PCDHGB7: variants seen among roughly 807,000 people sequenced by gnomAD.
PCDHGB7 encodes protocadherin gamma subfamily B, 7.
Under a neutral mutation model 61.4 loss-of-function variants are expected in PCDHGB7, and 37 were observed. The ratio of observed to expected loss-of-function variants is 0.60; its 90% CI spans 0.46 to 0.79. The LOEUF (loss-of-function observed/expected upper bound fraction) is 0.79, where lower values mean the gene tolerates loss of function less well. Among genes scored for constraint, PCDHGB7 ranks in the 30% least tolerant of loss-of-function variants. The pLI is 0.00. For synonymous variants in PCDHGB7, 464 were observed against 503.5 expected (o/e 0.92, Z 1.05); for missense variants, 1,166 against 1,202.5 (o/e 0.97, Z 0.45).
Position 141,491,608 on chromosome 5 carries a change from C to T in PCDHGB7, c.2416-3199C>T. On this transcript the variant is annotated intron_variant, in intron 1 of 3. Transcript: ENST00000398594. This position sits in a 1 kb window ranked among gnomAD's most constrained non-coding sequence, Gnocchi z 6.9. Reference sequence around the variant, plus strand: ...CTCGGACGGCAGTGACTTCACTTTTCTAAGACCCCTCAGCGTTCAGCAGCC... The same window carrying T: ...CTCGGACGGCAGTGACTTCACTTTTTTAAGACCCCTCAGCGTTCAGCAGCC... 6.2e-7 allele frequency: 1 copy of T among 1,613,942 alleles called. No individual in the cohort carries two copies. The highest frequency in any genetic ancestry group is 1.1e-5 in the South Asian group (1 of 91,086).
intron 1 of PCDHGB7, among the ~76,000 whole-genome samples, chr5:141,461,604 T>G (rs1166575574): frequency 6.6e-6 from 1 of 152,228 alleles, no homozygotes; most frequent in Non-Finnish European, 1.5e-5. Context: ...TATAATTTAG[T>G]TCAAAGTATT....
intron 1 of PCDHGB7, among the ~76,000 whole-genome samples, chr5:141,458,890 C>A (rs369529373): frequency 2.0e-5 from 3 of 152,042 alleles, no homozygotes; most frequent in African/African-American, 7.2e-5. Flanking sequence ...GCACACCATG[C>A]GCAGCTAATT....
At chr5:141,470,022 G>C (rs892106953) in intron 1 of PCDHGB7, among the ~76,000 whole-genome samples, 2 of 152,070 alleles carry the variant, frequency 1.3e-5, no homozygotes, top group African/African-American at 4.8e-5. Context: ...CCAGCTACTC[G>C]GGATGCTGAG....
intron 1 of PCDHGB7, among the ~76,000 whole-genome samples, chr5:141,450,470 AGTTT>A (rs199699353): frequency 4.6e-5 from 7 of 151,680 alleles, no homozygotes; most frequent in Non-Finnish European, 8.8e-5. Flanking sequence ...TTATATATAG[AGTTT>A]GTTTGTTTGT....
intron 1 of PCDHGB7, among the ~76,000 whole-genome samples, chr5:141,454,985 A>G (rs1292477757): frequency 1.3e-5 from 2 of 150,314 alleles, no homozygotes; most frequent in African/African-American, 4.9e-5. Context: ...TTTTTTAAAA[A>G]ATATTTTTAG....
chr5:141,433,122 G>C (rs1442464320), intron 1 of PCDHGB7: 1 of 1,614,134 alleles, frequency 6.2e-7, no homozygotes, highest in Admixed American at 1.7e-5. Flanking sequence ...TTTGAAAAAA[G>C]CGAGCCCCTT....
In PCDHGB7 at chr5:141,419,741, A is replaced by C. The variant is rs769795920; in HGVS notation, c.1882A>C (p.Met628Leu). Residue 628 changes from methionine (M) to leucine (L), a missense_variant, in exon 1 of 4, where the codon ATG becomes CTG. By Grantham distance (15) the Met-to-Leu change is conservative. Coordinates refer to ENST00000398594, the MANE Select transcript of PCDHGB7 (RefSeq NM_018927.4). ...GGGGCTGCGAACAGGCGAGGTGCGC[A>C]TGGTGCGTGCTTTGGGTGACAAGGA... ...SLGLRTGEVR[M>L]VRALGDKDSV... The C allele has an allele frequency of 1.2e-6, 2 of 1,613,856 alleles. No homozygotes were observed. The highest frequency in any genetic ancestry group is 1.7e-5 in the Admixed American group (1 of 60,030).
chr5:141,436,384 C>A lies in PCDHGB7; in HGVS notation c.2415+16110C>A, dbSNP rs1048094484. 2.6e-5 allele frequency among the ~76,000 whole-genome samples: 4 copies of A among 152,222 alleles called. 1 individual carries two copies. Among genetic ancestry groups the A allele is most frequent in the Non-Finnish European group, 4.4e-5 (3 of 67,978 alleles). On this transcript the variant is annotated intron_variant, in intron 1 of 3. Coordinates refer to ENST00000398594, the MANE Select transcript of PCDHGB7 (RefSeq NM_018927.4). The stretch of plus-strand genomic sequence containing the variant: ...ATGTTTCCAGTTTAAGCTGAATAGG[C>A]TTTATTAAATAGTTGTTGAATGAAT...
intron 2 of PCDHGB7, among the ~76,000 whole-genome samples, chr5:141,502,200 C>T (rs553356132): frequency 6.6e-6 from 1 of 152,252 alleles, no homozygotes; most frequent in African/African-American, 2.4e-5. Flanking sequence ...AATATAGAAT[C>T]CACCAGCAGA....
At position 141,476,676 on chromosome 5, in the gene PCDHGB7, G is replaced by A. The variant is rs753538822; in HGVS notation, c.2416-18131G>A. The A allele has an allele frequency of 6.2e-7, 1 of 1,614,222 alleles. No individual in the cohort carries two copies. The highest frequency in any genetic ancestry group is 8.5e-7 in the Non-Finnish European group (1 of 1,180,054). On this transcript the variant is annotated intron_variant, in intron 1 of 3. Transcript: ENST00000398594. The surrounding 1 kb of genome is among the most constrained non-coding windows in gnomAD (Gnocchi z 7.6). ...TACTTTGCGCTTCGCGTGCAGACGC[G>A]GGAGGACAGCACCAAGTACGCGGAG...
Position 141,485,094 on chromosome 5 carries a change from C to A in PCDHGB7, c.2416-9713C>A. ...GGCGCGGGGAAAGGGAGATAGGTGT[C>A]TCCAGCTGCTGTGGCTGTTTGGGGC... On this transcript the variant is annotated intron_variant, in intron 1 of 3. Coordinates refer to ENST00000398594, the MANE Select transcript of PCDHGB7 (RefSeq NM_018927.4). The surrounding 1 kb of genome is among the most constrained non-coding windows in gnomAD (Gnocchi z 5.7). 9.1e-7 allele frequency: 1 copy of A among 1,100,766 alleles called. No individual in the cohort carries two copies. Among genetic ancestry groups the A allele is most frequent in the Non-Finnish European group, 1.4e-6 (1 of 736,922 alleles). The allele number at this position is 1,100,766 out of a possible 1,614,324, so 68.2% of individuals were successfully genotyped here. A position where few individuals can be genotyped will look rare whatever the true frequency, so the allele number is the denominator to read the frequency against.
chr5:141,418,270 A>T lies in PCDHGB7; in HGVS notation c.411A>T (p.Glu137Asp). The T allele has an allele frequency of 6.2e-7, 1 of 1,614,052 alleles. No homozygotes were observed. ...NDHAPQFRKDEINLEISESVS... is the reference protein window; with the variant it reads ...NDHAPQFRKDDINLEISESVS... ...ACGCCCCTCAATTCCGGAAAGATGA[A>T]ATAAACTTAGAAATCAGTGAATCCG... Residue 137 changes from glutamate to aspartate, a missense_variant, in exon 1 of 4, where the codon GAA (glutamate) becomes GAT (aspartate). Coordinates refer to ENST00000398594, the MANE Select transcript of PCDHGB7 (RefSeq NM_018927.4).
At chr5:141,435,821 T>C (rs571444304) in intron 1 of PCDHGB7, among the ~76,000 whole-genome samples, 72 of 152,240 alleles carry the variant, frequency 4.7e-4, no homozygotes, top group African/African-American at 1.6e-3. Context: ...CTTTCTTCTT[T>C]GTTTGCTGCC....
intron 1 of PCDHGB7, chr5:141,427,474 A>G (rs373512099): frequency 3.7e-5 from 19 of 520,294 alleles, no homozygotes; most frequent in African/African-American, 1.5e-4. Context: ...TCTTCCGCCA[A>G]TAATGACTAT....
At chr5:141,496,581 C>T (rs868326584) in intron 2 of PCDHGB7, among the ~76,000 whole-genome samples, 9 of 152,134 alleles carry the variant, frequency 5.9e-5, no homozygotes, top group African/African-American at 1.9e-4. Flanking sequence ...ATTTTAGGAA[C>T]GCAAAGCGCT....
chr5:141,480,265 A>G (rs1041908141), intron 1 of PCDHGB7, among the ~76,000 whole-genome samples: 2 of 151,784 alleles, frequency 1.3e-5, no homozygotes, highest in African/African-American at 2.4e-5. Context: ...ATGTGTTTTC[A>G]TTAGCTGGGT....
rs370932300 is a variant in PCDHGB7, at chr5:141,459,955, G to A, written c.2416-34852G>A. Among the ~76,000 whole-genome samples, 15 of 152,316 alleles carry A rather than the reference G, an allele frequency of 9.8e-5. No homozygotes were observed. The East Asian group carries it at 2.3e-3, about 24-fold the overall frequency. The stretch of plus-strand genomic sequence containing the variant: ...TAGCTGGGCGTGATGGCAGGTGCCT[G>A]TAATCCCAGCTACTCAGGAGGCTGA... On this transcript the variant is annotated intron_variant, in intron 1 of 3. Coordinates refer to ENST00000398594, the MANE Select transcript of PCDHGB7 (RefSeq NM_018927.4).
chr5:141,451,443 C>A (rs1184838490), intron 1 of PCDHGB7, among the ~76,000 whole-genome samples: 1 of 152,176 alleles, frequency 6.6e-6, no homozygotes, highest in Non-Finnish European at 1.5e-5. Context: ...CAGTTCCTTG[C>A]TGGTTGTTAG....
At chr5:141,508,538 G>C (rs1383873129) in intron 3 of PCDHGB7, among the ~76,000 whole-genome samples, 1 of 152,120 alleles carries the variant, frequency 6.6e-6, no homozygotes, top group African/African-American at 2.4e-5. Flanking sequence ...CACCCCCCAC[G>C]AGGTGGGCGG....
Sources: gnomAD v4.1 joint callset for allele counts (sites outside exome capture counted in the v4.1 genomes callset) on GRCh38, gnomAD v4.1.1 for gene constraint, Gnocchi (gnomAD v3.1) non-coding constraint, MANE v1.5 for transcripts, NCBI Gene and HGNC (gene_info 2026-07-23, HGNC 2026-07-21) for gene names.